The following CD244 variants were observed in gnomAD, a reference collection of about 807,000 sequenced individuals.
The protein encoded by CD244 is CD244 molecule, also known as natural killer cell receptor 2B4.
CD244 carries 20 observed loss-of-function variants against 45.5 expected under a neutral mutation model. The observed-to-expected ratio is 0.44, with a 90% CI of 0.31 to 0.64. The LOEUF (loss-of-function observed/expected upper bound fraction) is 0.64. CD244 is among the 30% of genes least tolerant of loss of function. The pLI is 0.08. For missense variants in CD244, 407 were observed against 426.9 expected, an observed-to-expected ratio of 0.95 and a Z score of 0.41; for synonymous variants, 185 against 160.5, an observed-to-expected ratio of 1.15 and a Z score of -1.15.
chr1:160,841,448 C>G lies in CD244; in HGVS notation c.417G>C (p.Lys139Asn), dbSNP rs574301343. ...VEKPRLQGQG[K>N]ILDRGRCQVA... The stretch of plus-strand genomic sequence containing the variant: ...CTTGGCATCTCCCTCTGTCCAGGAT[C>G]TTCCCCTGCCCCTGTAGGCGGGGTT... The change falls in exon 3 of 9, where the codon AAG (lysine) becomes AAC (asparagine). Residue 139 changes from lysine (K) to asparagine (N), a missense_variant. Transcript: ENST00000368034. The G allele has an allele frequency of 3.1e-6, 5 of 1,614,034 alleles. No homozygotes were observed. The highest frequency in any genetic ancestry group is 4.2e-6 in the Non-Finnish European group (5 of 1,180,046).
In CD244 at chr1:160,832,543, G is replaced by T. The variant is rs771220611; in HGVS notation, c.993C>A (p.Ser331=). 6.2e-7 allele frequency: 1 copy of T among 1,610,822 alleles called. No homozygotes were observed. Among genetic ancestry groups the T allele is most frequent in the African/African-American group, 1.3e-5 (1 of 74,800 alleles). ...CCACTTCATAGATAGTGCTATTGAA[G>T]GAAGGGCTGTGGTTCCTCTTCCTGG... ...SGSRKRNHSP[S]FNSTIYEVIG... The change falls in exon 8 of 9, where the codon TCC becomes TCA. Residue 331 remains serine, a synonymous_variant. Coordinates refer to ENST00000368034, the MANE Select transcript of CD244 (RefSeq NM_016382.4).
intron 1 of CD244, among the ~76,000 whole-genome samples, chr1:160,861,278 C>T (rs1670293183): frequency 1.3e-5 from 2 of 152,210 alleles, no homozygotes; most frequent in South Asian, 4.1e-4. Flanking sequence ...ATGCTCTGCC[C>T]TAGGCTGCCT....
chr1:160,849,415 A>G lies in CD244; in HGVS notation c.62-7514T>C, dbSNP rs146825554. Among the ~76,000 whole-genome samples, 4 of 151,960 alleles carry G rather than the reference A, an allele frequency of 2.6e-5. No individual in the cohort carries two copies. In the East Asian group the frequency reaches 7.7e-4, roughly 29 times the overall value. On this transcript the variant is annotated intron_variant, in intron 1 of 8. Transcript: ENST00000368034. ...CCATCATCTAGGTTTTAAGCCCCAC[A>G]TGCATTAGGTATTTGTCCTAATGCC...
At position 160,862,552 on chromosome 1, in the gene CD244, T is replaced by TGATC; in HGVS notation, c.61+61_61+64dup. On this transcript the variant is annotated intron_variant, in intron 1 of 8. Coordinates refer to ENST00000368034, the MANE Select transcript of CD244 (RefSeq NM_016382.4). ...GTGGCACAAGCAGAGGCTCTGGCTCTGATCTCCCTGAGGGGCACAGCTCCT... is the reference window on the plus strand; with the variant it reads ...GTGGCACAAGCAGAGGCTCTGGCTCTGATCGATCTCCCTGAGGGGCACAGCTCCT... 5.5e-6 allele frequency: 8 copies of TGATC among 1,454,144 alleles called. No homozygotes were observed. In the South Asian group the frequency reaches 9.3e-5, roughly 17 times the overall value. 90.1% of individuals were successfully genotyped at this position (1,454,144 alleles called of 1,614,324 possible). A position where few individuals can be genotyped will look rare whatever the true frequency, so the allele number is the denominator to read the frequency against.
chr1:160,846,835 A>G (rs1669755751), intron 1 of CD244, among the ~76,000 whole-genome samples: 1 of 152,186 alleles, frequency 6.6e-6, no homozygotes, highest in South Asian at 2.1e-4. Context: ...AACAATAGAA[A>G]CAGATGTAAT....
At chr1:160,837,597 G>A (rs1669378152) in intron 5 of CD244, among the ~76,000 whole-genome samples, 1 of 152,206 alleles carries the variant, frequency 6.6e-6, no homozygotes, top group Non-Finnish European at 1.5e-5. Context: ...AGGCTGCACA[G>A]GGCCTCACGT....
intron 1 of CD244, among the ~76,000 whole-genome samples, chr1:160,844,651 A>G (rs1349647466): frequency 6.6e-6 from 1 of 152,208 alleles, no homozygotes; most frequent in East Asian, 1.9e-4. Context: ...TGATACAGAG[A>G]TAAGCCAACA....
At chr1:160,861,984 AT>A (rs1670327363) in intron 1 of CD244, among the ~76,000 whole-genome samples, 1 of 152,208 alleles carries the variant, frequency 6.6e-6, no homozygotes, top group African/African-American at 2.4e-5. Flanking sequence ...CCAGGAGTAA[AT>A]GTTAGATGGC....
At chr1:160,845,826 A>C (rs1201923429) in intron 1 of CD244, among the ~76,000 whole-genome samples, 3 of 151,796 alleles carry the variant, frequency 2.0e-5, no homozygotes, top group Non-Finnish European at 4.4e-5. Flanking sequence ...ACTGCACTCC[A>C]ACCTGGGCAA....
In CD244 at chr1:160,830,516, C is replaced by T. The variant is rs1171569961; in HGVS notation, c.*831G>A. On this transcript the variant is annotated 3_prime_UTR_variant, in exon 9 of 9. Coordinates refer to ENST00000368034, the MANE Select transcript of CD244 (RefSeq NM_016382.4). ...GGGGAACACTCATCAGGACTCAGAACTTAAATAGAACATGGTTTCTGAGAG... is the reference window on the plus strand; with the variant it reads ...GGGGAACACTCATCAGGACTCAGAATTTAAATAGAACATGGTTTCTGAGAG... 3.0e-4 allele frequency: 46 copies of T among 152,358 alleles called. No individual in the cohort carries two copies. Among genetic ancestry groups the T allele is most frequent in the Admixed American group, 3.0e-3 (46 of 15,288 alleles). The allele number at this position is 152,358 out of a possible 1,614,324, so 9.4% of individuals were successfully genotyped here. A position where few individuals can be genotyped will look rare whatever the true frequency, so the allele number is the denominator to read the frequency against.
At chr1:160,856,122 C>A (rs887061239) in intron 1 of CD244, among the ~76,000 whole-genome samples, 4 of 152,192 alleles carry the variant, frequency 2.6e-5, no homozygotes, top group African/African-American at 9.7e-5. Flanking sequence ...GATGTACCTG[C>A]TGGGGACTAA....
At chr1:160,858,314 A>T (rs1670181736) in intron 1 of CD244, among the ~76,000 whole-genome samples, 1 of 152,056 alleles carries the variant, frequency 6.6e-6, no homozygotes, top group Non-Finnish European at 1.5e-5. Context: ...TCGCAGTTAG[A>T]CACCACTCCC....
chr1:160,838,809 C>T, intron 4 of CD244, 130 bp downstream of exon 4: 1 of 673,530 alleles, frequency 1.5e-6, no homozygotes. Context: ...CCACCACGCA[C>T]ACAAACATAC....
rs77750691 is a variant in CD244, at chr1:160,833,265, G to A, written c.961-690C>T. On this transcript the variant is annotated intron_variant, in intron 7 of 8. Coordinates refer to ENST00000368034, the MANE Select transcript of CD244 (RefSeq NM_016382.4). The stretch of plus-strand genomic sequence containing the variant: ...ATCCAAGTAGGTTGAATGGCTTATT[G>A]GAAGGAGGTTGAATGAAAAGTCTGA... Among the ~76,000 whole-genome samples the A allele has an allele frequency of 4.7e-3, 709 of 152,162 alleles. 5 individuals carry two copies. The highest frequency in any genetic ancestry group is 0.016 in the African/African-American group (665 of 41,498).
rs561648511 is a variant in CD244, at chr1:160,844,804, G to A, written c.62-2903C>T. On this transcript the variant is annotated intron_variant, in intron 1 of 8. Coordinates refer to ENST00000368034, the MANE Select transcript of CD244 (RefSeq NM_016382.4). ...ACCCTGGCCAACATGGTAAAACCTC[G>A]TCTCTACTAACGATACAAAAATTAG... 1.4e-4 allele frequency among the ~76,000 whole-genome samples: 22 copies of A among 152,024 alleles called. 2 individuals are homozygous for A. In the South Asian group the frequency reaches 3.3e-3, roughly 23 times the overall value.
chr1:160,853,251 T>C (rs1174836831), intron 1 of CD244, among the ~76,000 whole-genome samples: 1 of 152,194 alleles, frequency 6.6e-6, no homozygotes, highest in African/African-American at 2.4e-5. Flanking sequence ...ATGATGAGTA[T>C]TAATGAAGCT....
At chr1:160,838,606 G>A in intron 4 of CD244, 88 bp from the exon 5 acceptor site, 1 of 918,112 alleles carries the variant, frequency 1.1e-6, no homozygotes, top group Non-Finnish European at 1.8e-6. Flanking sequence ...ACCCCAAATG[G>A]CCAAACCTTA....
At chr1:160,861,410 G>C (rs1296029825) in intron 1 of CD244, among the ~76,000 whole-genome samples, 2 of 152,164 alleles carry the variant, frequency 1.3e-5, no homozygotes, top group Non-Finnish European at 2.9e-5. Flanking sequence ...TGCATATGGG[G>C]CTTCTACCTG....
At chr1:160,838,574 G>T in intron 4 of CD244, 56 bp from the exon 5 acceptor site, 2 of 1,244,114 alleles carry the variant, frequency 1.6e-6, no homozygotes, top group Non-Finnish European at 2.4e-6. Context: ...AAGGGCTTTT[G>T]CTTCTAACAG....
Sources: allele counts gnomAD v4.1 joint callset (sites outside exome capture counted in the v4.1 genomes callset), GRCh38; gene constraint gnomAD v4.1.1; transcripts MANE v1.5; gene names NCBI Gene and HGNC (gene_info 2026-07-23, HGNC 2026-07-21).